The following VPS13B variants were observed in gnomAD, a reference collection of about 807,000 sequenced individuals.
VPS13B encodes intermembrane lipid transfer protein VPS13B.
A neutral mutation model predicts 426.4 loss-of-function variants in VPS13B; 285 were observed. The observed-to-expected ratio is 0.67, with a 90% CI of 0.61 to 0.74. The LOEUF is 0.74. VPS13B is among the 30% of genes least tolerant of loss of function. The probability of loss-of-function intolerance (pLI) is 0.00; values close to 1 mark genes in which losing one functional copy is unlikely to be tolerated. For missense variants in VPS13B, 4,537 were observed against 4,782.6 expected, an observed-to-expected ratio of 0.95 and a Z score of 1.51; for synonymous variants, 1,676 against 1,676.4, an observed-to-expected ratio of 1.00 and a Z score of 0.01.
chr8:99,586,615 G>T (rs1420824790), intron 33 of VPS13B, among the ~76,000 whole-genome samples: 1 of 152,048 alleles, frequency 6.6e-6, no homozygotes, highest in African/African-American at 2.4e-5. Context: ...GTGGTTTTGT[G>T]GGGAGAGGGA....
intron 36 of VPS13B, among the ~76,000 whole-genome samples, chr8:99,714,838 T>C (rs1463101332): frequency 6.6e-6 from 1 of 152,116 alleles, no homozygotes; most frequent in Non-Finnish European, 1.5e-5. Context: ...TATTAAAGAA[T>C]ATTAAGAAGC....
chr8:99,161,413 T>C (rs190304853), intron 15 of VPS13B, among the ~76,000 whole-genome samples: 198 of 152,304 alleles, frequency 1.3e-3, no homozygotes, highest in African/African-American at 4.5e-3. Context: ...ACCAAAACCA[T>C]TGGTCATCAA....
At chr8:99,320,837 A>G (rs1025360536) in intron 19 of VPS13B, among the ~76,000 whole-genome samples, 2 of 152,084 alleles carry the variant, frequency 1.3e-5, no homozygotes, top group Admixed American at 1.3e-4. Flanking sequence ...TTTTCTACCT[A>G]CTTTCTCTTC....
At chr8:99,318,999 T>C (rs1185179146) in intron 19 of VPS13B, among the ~76,000 whole-genome samples, 1 of 152,218 alleles carries the variant, frequency 6.6e-6, no homozygotes, top group Non-Finnish European at 1.5e-5. Context: ...TTATGTCCCT[T>C]TACTATCTTG....
At chr8:99,473,667 A>G (rs1162885877) in intron 24 of VPS13B, among the ~76,000 whole-genome samples, 1 of 152,196 alleles carries the variant, frequency 6.6e-6, no homozygotes, top group Admixed American at 6.5e-5. Flanking sequence ...AACCATTACA[A>G]TAAACCAAGA....
At chr8:99,332,481 C>A (rs916449203) in intron 19 of VPS13B, among the ~76,000 whole-genome samples, 1 of 151,304 alleles carries the variant, frequency 6.6e-6, no homozygotes, top group Non-Finnish European at 1.5e-5. Context: ...ATAAAATATT[C>A]TTTTATATAT....
At position 99,193,060 on chromosome 8, in the gene VPS13B, A is replaced by G; in HGVS notation, c.2515+3A>G. The G allele has an allele frequency of 6.2e-7, 1 of 1,613,314 alleles. No homozygotes were observed. The highest frequency in any genetic ancestry group is 2.2e-5 in the East Asian group (1 of 44,802). ...AAATGAAATCTTCCTAAGTATAGGTAAGAGCACAGTCTTTTTGATAACTAT... is the reference window on the plus strand; with the variant it reads ...AAATGAAATCTTCCTAAGTATAGGTGAGAGCACAGTCTTTTTGATAACTAT... On this transcript the variant is annotated splice_donor_region_variant and intron_variant, in intron 17 of 61. Coordinates refer to ENST00000357162, the MANE Select transcript of VPS13B (RefSeq NM_152564.5).
At chr8:99,101,958 T>TC (rs1470055845) in intron 4 of VPS13B, among the ~76,000 whole-genome samples, 7 of 152,220 alleles carry the variant, frequency 4.6e-5, no homozygotes, top group African/African-American at 1.7e-4. Flanking sequence ...TACCTTTTAG[T>TC]TAGCTTTTTA....
chr8:99,541,123 G>T (rs1318960121), intron 30 of VPS13B, among the ~76,000 whole-genome samples: 3 of 151,830 alleles, frequency 2.0e-5, no homozygotes, highest in South Asian at 2.1e-4. Flanking sequence ...CTGTATTTTA[G>T]TATTACTTAT....
In VPS13B at chr8:99,556,481, C is replaced by T. The variant is rs954564707; in HGVS notation, c.4777C>T (p.Pro1593Ser). The T allele has an allele frequency of 6.2e-7, 1 of 1,612,970 alleles. No homozygotes were observed. The highest frequency in any genetic ancestry group is 1.1e-5 in the South Asian group (1 of 91,060). The change falls in exon 31 of 62, where the codon CCT becomes TCT. Residue 1593 changes from proline to serine, a missense_variant. Physicochemically the swap from Pro to Ser is moderately conservative, Grantham distance 74. This residue lies in a region of VPS13B where 4,311 missense variants were observed against 4,474.3 expected (regional missense o/e 0.96). Coordinates refer to ENST00000357162, the MANE Select transcript of VPS13B (RefSeq NM_152564.5). ...CTTGAACTTAGGAATTCTTCGAGAT[C>T]CTGGATCAGAAATCGAAGACAGACA... ...RALNLGILRD[P>S]GSEIEDRQYQ...
chr8:99,286,990 C>T lies in VPS13B; in HGVS notation c.2824+11736C>T, dbSNP rs142953818. On this transcript the variant is annotated intron_variant, in intron 19 of 61. Coordinates refer to ENST00000357162, the MANE Select transcript of VPS13B (RefSeq NM_152564.5). ...TTTTCAAATATTGCCGTACTAGGTT[C>T]CTTTCAGCCAGCTGCTTTGCCAATA... Among the ~76,000 whole-genome samples, 1,421 of 152,164 alleles carry T rather than the reference C, an allele frequency of 9.3e-3. 36 individuals carry two copies. Among genetic ancestry groups the T allele is most frequent in the African/African-American group, 0.033 (1,355 of 41,524 alleles).
chr8:99,080,299 CT>C (rs917807670), intron 3 of VPS13B, among the ~76,000 whole-genome samples: 1 of 151,594 alleles, frequency 6.6e-6, no homozygotes, highest in African/African-American at 2.4e-5. Flanking sequence ...GTATTTTTTG[CT>C]TTTTTGTTTC....
intron 30 of VPS13B, among the ~76,000 whole-genome samples, chr8:99,526,300 G>A (rs551140172): frequency 1.3e-5 from 2 of 152,224 alleles, no homozygotes; most frequent in South Asian, 4.1e-4. Context: ...AATTTCTTTT[G>A]CTTATTGAGT....
chr8:99,818,369 A>C (rs1814165681), intron 45 of VPS13B, 82 bp from the exon 46 acceptor site: 2 of 1,358,662 alleles, frequency 1.5e-6, no homozygotes, highest in African/African-American at 2.9e-5. Context: ...TTAATCTTCC[A>C]AACTGATGTA....
At chr8:99,792,933 T>C (rs911685649) in intron 43 of VPS13B, among the ~76,000 whole-genome samples, 2 of 151,502 alleles carry the variant, frequency 1.3e-5, no homozygotes, top group African/African-American at 4.8e-5. Flanking sequence ...GGGCCAAGCA[T>C]GGTGGTTCAC....
At chr8:99,502,803 T>C (rs766381459) in intron 26 of VPS13B, 33 bp from the exon 27 acceptor site, 1 of 1,419,890 alleles carries the variant, frequency 7.0e-7, no homozygotes, top group Non-Finnish European at 1.0e-6. Flanking sequence ...TTGTGAAGAC[T>C]GTGTTGATAT....
At chr8:99,262,161 G>A (rs554559325) in intron 17 of VPS13B, among the ~76,000 whole-genome samples, 1 of 152,120 alleles carries the variant, frequency 6.6e-6, no homozygotes, top group Non-Finnish European at 1.5e-5. Context: ...TTAAAGTTCA[G>A]TTCTGTCATT....
At chr8:99,751,958 A>G (rs1270328248) in intron 39 of VPS13B, among the ~76,000 whole-genome samples, 1 of 152,170 alleles carries the variant, frequency 6.6e-6, no homozygotes, top group Non-Finnish European at 1.5e-5. Context: ...GAGGACCTGA[A>G]TCTTTTATAA....
At chr8:99,480,754 A>G (rs1292677630) in intron 24 of VPS13B, among the ~76,000 whole-genome samples, 2 of 152,194 alleles carry the variant, frequency 1.3e-5, no homozygotes, top group Admixed American at 6.5e-5. Flanking sequence ...TGTTCTGCCC[A>G]CATAAGAAGC....
Sources: allele counts gnomAD v4.1 joint callset (sites outside exome capture counted in the v4.1 genomes callset), GRCh38; gene constraint gnomAD v4.1.1; regional missense constraint gnomAD v4.1.1; transcripts MANE v1.5; gene names NCBI Gene and HGNC (gene_info 2026-07-23, HGNC 2026-07-21).